NLGN1: variants seen among roughly 807,000 people sequenced by gnomAD.
NLGN1 encodes neuroligin 1.
Under a neutral mutation model 65.5 loss-of-function variants are expected in NLGN1, and 12 were observed. The observed-to-expected ratio is 0.18, with a 90% CI of 0.12 to 0.30. NLGN1 has a LOEUF of 0.30. Ranked by LOEUF, NLGN1 falls within the 10% of genes least tolerant of loss-of-function variation. The pLI, the probability that NLGN1 is intolerant of heterozygous loss-of-function variation, is 1.00. For missense variants in NLGN1, 750 were observed against 1,007.1 expected, an observed-to-expected ratio of 0.74 and a Z score of 3.46; for synonymous variants, 350 against 359.5, an observed-to-expected ratio of 0.97 and a Z score of 0.30.
chr3:174,277,245 A>G (rs575838458), intron 5 of NLGN1, among the ~76,000 whole-genome samples: 16 of 152,022 alleles, frequency 1.1e-4, no homozygotes, highest in African/African-American at 2.9e-4. Flanking sequence ...TCTGCCTCCA[A>G]TGGAGCTATA....
chr3:174,150,854 A>T (rs1452175977), intron 4 of NLGN1, among the ~76,000 whole-genome samples: 1 of 152,144 alleles, frequency 6.6e-6, no homozygotes, highest in Non-Finnish European at 1.5e-5. Context: ...GATAATAAAC[A>T]TTCCTAAACA....
At chr3:173,830,120 A>G (rs1722239011) in intron 4 of NLGN1, among the ~76,000 whole-genome samples, 1 of 152,142 alleles carries the variant, frequency 6.6e-6, no homozygotes, top group Admixed American at 6.6e-5. Flanking sequence ...GTGAAGAGAT[A>G]TCTTTTTAAT....
At chr3:174,069,512 A>G (rs1406915972) in intron 4 of NLGN1, among the ~76,000 whole-genome samples, 1 of 152,212 alleles carries the variant, frequency 6.6e-6, no homozygotes, top group Non-Finnish European at 1.5e-5. Flanking sequence ...AAAGTAATTA[A>G]TGAGACTTCC....
At chr3:173,461,162 A>G (rs74389398) in intron 2 of NLGN1, among the ~76,000 whole-genome samples, 271 of 152,288 alleles carry the variant, frequency 1.8e-3, no homozygotes, top group African/African-American at 6.4e-3. Flanking sequence ...AAGGAAATCA[A>G]TCAAAGAGAC....
At chr3:173,710,253 T>G (rs2149938558) in intron 3 of NLGN1, among the ~76,000 whole-genome samples, 1 of 152,352 alleles carries the variant, frequency 6.6e-6, no homozygotes, top group South Asian at 2.1e-4. Flanking sequence ...CAGTTTGTCC[T>G]TCCTTAATTC....
At chr3:174,263,579 C>G (rs1747392512) in intron 4 of NLGN1, among the ~76,000 whole-genome samples, 1 of 152,132 alleles carries the variant, frequency 6.6e-6, no homozygotes, top group Admixed American at 6.5e-5. Flanking sequence ...ATGTGTGTCT[C>G]TGCACGTGAG....
At chr3:173,822,070 A>G (rs540024389) in intron 4 of NLGN1, among the ~76,000 whole-genome samples, 12 of 152,284 alleles carry the variant, frequency 7.9e-5, no homozygotes, top group African/African-American at 2.9e-4. Flanking sequence ...CTTCAGAGAA[A>G]TCAAAGTTAT....
chr3:173,509,550 C>T (rs912114385), intron 2 of NLGN1, among the ~76,000 whole-genome samples: 1 of 152,076 alleles, frequency 6.6e-6, no homozygotes, highest in Non-Finnish European at 1.5e-5. Flanking sequence ...GAAGTTGAAG[C>T]TCCAATGAGC....
chr3:173,719,991 A>AT (rs1770557977), intron 3 of NLGN1, among the ~76,000 whole-genome samples: 2 of 152,092 alleles, frequency 1.3e-5, no homozygotes, highest in South Asian at 4.1e-4. Context: ...GCACACGTCT[A>AT]TAGTCCCAGC....
At chr3:173,692,932 T>C (rs187750478) in intron 3 of NLGN1, among the ~76,000 whole-genome samples, 25 of 152,168 alleles carry the variant, frequency 1.6e-4, no homozygotes, top group African/African-American at 6.0e-4. Flanking sequence ...TGATGTCAGA[T>C]AGAGCTGAGC....
intron 2 of NLGN1, among the ~76,000 whole-genome samples, chr3:173,486,944 T>C (rs138051370): frequency 7.2e-5 from 11 of 152,130 alleles, no homozygotes; most frequent in African/African-American, 2.2e-4. Flanking sequence ...CATTTAAGCT[T>C]ATGACTACTC....
intron 3 of NLGN1, among the ~76,000 whole-genome samples, chr3:173,678,614 G>T (rs931987514): frequency 6.6e-6 from 1 of 152,066 alleles, no homozygotes; most frequent in Non-Finnish European, 1.5e-5. Context: ...ATAAAGTAAA[G>T]AAGTTGAAGA....
intron 1 of NLGN1, among the ~76,000 whole-genome samples, chr3:173,434,259 A>G (rs1225990552): frequency 3.3e-5 from 5 of 152,220 alleles, no homozygotes; most frequent in African/African-American, 4.8e-5. Context: ...AGCAAAAAGT[A>G]TAGCAAAGTA....
chr3:173,703,537 A>G (rs1404464877), intron 3 of NLGN1, among the ~76,000 whole-genome samples: 1 of 152,220 alleles, frequency 6.6e-6, no homozygotes, highest in Non-Finnish European at 1.5e-5. Context: ...ATGCTGGATT[A>G]CATAAGTATC....
chr3:173,833,662 G>C lies in NLGN1; in HGVS notation c.646+25830G>C, dbSNP rs550296473. On this transcript the variant is annotated intron_variant, in intron 4 of 6. Coordinates refer to ENST00000457714, the Ensembl canonical transcript of NLGN1. ...AGCCCCCCAGTGGCTGGGTCTGCGG[G>C]CATGCACCACCACACCCTGCTAATT... is the stretch of plus-strand genomic sequence containing the variant. 2.4e-4 allele frequency among the ~76,000 whole-genome samples: 37 copies of C among 152,152 alleles called. 1 individual carries two copies. The highest frequency in any genetic ancestry group is 1.5e-3 in the Admixed American group (23 of 15,278).
chr3:174,092,636 GTTATTA>G (rs139793130), intron 4 of NLGN1, among the ~76,000 whole-genome samples: 1 of 151,312 alleles, frequency 6.6e-6, no homozygotes, highest in Non-Finnish European at 1.5e-5. Flanking sequence ...TATGATGATG[GTTATTA>G]TTATTATTAT....
intron 4 of NLGN1, among the ~76,000 whole-genome samples, chr3:174,181,784 C>G (rs990564170): frequency 1.2e-4 from 18 of 145,996 alleles, no homozygotes; most frequent in Admixed American, 1.1e-3. Context: ...AAAATACACA[C>G]ACACACACAC....
At chr3:173,913,353 C>T (rs1243324018) in intron 4 of NLGN1, among the ~76,000 whole-genome samples, 1 of 152,126 alleles carries the variant, frequency 6.6e-6, no homozygotes, top group African/African-American at 2.4e-5. Flanking sequence ...GATACCCTGG[C>T]ATGTGGGAAT....
chr3:173,570,959 C>T (rs1744556486), intron 2 of NLGN1, among the ~76,000 whole-genome samples: 1 of 152,172 alleles, frequency 6.6e-6, no homozygotes, highest in Non-Finnish European at 1.5e-5. Context: ...GTCTCGGCCT[C>T]TCAAAGTGCT....
Sources: allele counts gnomAD v4.1 joint callset (sites outside exome capture counted in the v4.1 genomes callset), GRCh38; gene constraint gnomAD v4.1.1; transcripts MANE v1.5; gene names NCBI Gene and HGNC (gene_info 2026-07-23, HGNC 2026-07-21).